Variants in PTPRJ observed in about 807,000 individuals in gnomAD.
PTPRJ encodes the protein protein tyrosine phosphatase receptor type J.
Under a neutral mutation model 141.3 loss-of-function variants are expected in PTPRJ, and 129 were observed. The observed-to-expected ratio is 0.91, with a 90% CI of 0.79 to 1.06. PTPRJ has a LOEUF of 1.06. Among genes scored for constraint, PTPRJ ranks in the 50% least tolerant of loss-of-function variants. The pLI is 0.00. For synonymous variants in PTPRJ, 610 were observed against 640.5 expected (o/e 0.95, Z 0.72); for missense variants, 1,601 against 1,679.7 (o/e 0.95, Z 0.82).
Position 47,980,579 on chromosome 11 carries a change from C to T in PTPRJ, c.-334C>T, listed in dbSNP as rs1390706106. 4.1e-6 allele frequency: 4 copies of T among 982,874 alleles called. No homozygotes were observed. The highest frequency in any genetic ancestry group is 1.1e-4 in the East Asian group (1 of 8,756). The allele number at this position is 982,874 out of a possible 1,614,324, so 60.9% of individuals were successfully genotyped here. Reference sequence around the variant, plus strand: ...GCAGCAGCCCCAGCCGCATGACGCGCGGAGGAGGCAGCGGGAGCAGCCGCG... The same window carrying T: ...GCAGCAGCCCCAGCCGCATGACGCGTGGAGGAGGCAGCGGGAGCAGCCGCG... On this transcript the variant is annotated 5_prime_UTR_variant, in exon 1 of 25. Transcript: ENST00000418331.
chr11:48,035,621 CAGAG>C (rs1207203815), intron 1 of PTPRJ, among the ~76,000 whole-genome samples: 1 of 124,394 alleles, frequency 8.0e-6, no homozygotes, highest in East Asian at 2.7e-4. Flanking sequence ...CGTTGTATTA[CAGAG>C]AGTCACAGAA....
At chr11:47,981,855 C>T (rs1853918093) in intron 1 of PTPRJ, among the ~76,000 whole-genome samples, 1 of 152,218 alleles carries the variant, frequency 6.6e-6, no homozygotes, top group East Asian at 1.9e-4. Context: ...GAGCACCCAG[C>T]CCGTGCCATG....
chr11:48,091,594 G>A lies in PTPRJ; in HGVS notation c.97-18464G>A, dbSNP rs182661852. Among the ~76,000 whole-genome samples the A allele has an allele frequency of 1.4e-3, 206 of 152,274 alleles. 1 individual carries two copies. Among genetic ancestry groups the A allele is most frequent in the African/African-American group, 4.6e-3 (191 of 41,560 alleles). On this transcript the variant is annotated intron_variant, in intron 1 of 24. Transcript: ENST00000418331. Reference sequence around the variant, plus strand: ...GCTCTTGACTTGGCCTTCTCTAGGGGAAAAACATGTAGTTTATGCAACTTT... The same window carrying A: ...GCTCTTGACTTGGCCTTCTCTAGGGAAAAAACATGTAGTTTATGCAACTTT...
At chr11:48,167,125 C>G in intron 24 of PTPRJ, 79 bp from the exon 25 acceptor site, 5 of 1,384,120 alleles carry the variant, frequency 3.6e-6, no homozygotes, top group Non-Finnish European at 4.0e-6. Context: ...GGGGGAATGA[C>G]CTGTTTGAAA....
intron 1 of PTPRJ, among the ~76,000 whole-genome samples, chr11:48,006,282 G>T (rs1285802140): frequency 6.6e-6 from 1 of 152,118 alleles, no homozygotes; most frequent in Non-Finnish European, 1.5e-5. Context: ...TCGGGAGGAA[G>T]AGTGGGAGAG....
chr11:47,981,347 C>T (rs1454528568), intron 1 of PTPRJ, among the ~76,000 whole-genome samples: 1 of 152,080 alleles, frequency 6.6e-6, no homozygotes, highest in Non-Finnish European at 1.5e-5. Context: ...GGCTTCCTAG[C>T]CGGAGGCGGC....
At chr11:48,039,845 G>C (rs1854230775) in intron 1 of PTPRJ, among the ~76,000 whole-genome samples, 1 of 151,678 alleles carries the variant, frequency 6.6e-6, no homozygotes, top group Non-Finnish European at 1.5e-5. Context: ...CTGGGGTGCA[G>C]TAGTGTGATC....
At chr11:48,020,363 C>T (rs1344240802) in intron 1 of PTPRJ, among the ~76,000 whole-genome samples, 3 of 152,132 alleles carry the variant, frequency 2.0e-5, no homozygotes, top group Non-Finnish European at 4.4e-5. Context: ...AAATTTTTGG[C>T]GTTGGTGGTG....
chr11:48,022,456 C>T (rs1853677779), intron 1 of PTPRJ, among the ~76,000 whole-genome samples: 1 of 150,990 alleles, frequency 6.6e-6, no homozygotes, highest in Non-Finnish European at 1.5e-5. Flanking sequence ...ACGAGCAAAA[C>T]TCCATCTCAA....
intron 3 of PTPRJ, among the ~76,000 whole-genome samples, chr11:48,117,822 G>A (rs953489034): frequency 6.6e-6 from 1 of 151,882 alleles, no homozygotes; most frequent in East Asian, 1.9e-4. Flanking sequence ...CATTGACAAA[G>A]CTTTAGCTAG....
At chr11:48,021,766 G>T (rs141653216) in intron 1 of PTPRJ, among the ~76,000 whole-genome samples, 3 of 152,322 alleles carry the variant, frequency 2.0e-5, no homozygotes, top group East Asian at 3.9e-4. Context: ...GCAATTGTCT[G>T]TGGGTTTTGT....
At chr11:48,090,514 G>A (rs34304393) in intron 1 of PTPRJ, among the ~76,000 whole-genome samples, 8,071 of 152,220 alleles carry the variant, frequency 0.053, 269 homozygotes, top group Middle Eastern at 0.075. Context: ...AGACAGATCC[G>A]TGCAGCAGGA....
intron 1 of PTPRJ, among the ~76,000 whole-genome samples, chr11:48,058,488 C>T (rs947815739): frequency 1.3e-5 from 2 of 152,094 alleles, no homozygotes; most frequent in Non-Finnish European, 2.9e-5. Flanking sequence ...GCTAGGATTA[C>T]GGGTGTGAGC....
At chr11:48,135,402 C>G (rs545313831) in intron 8 of PTPRJ, among the ~76,000 whole-genome samples, 113 of 151,716 alleles carry the variant, frequency 7.4e-4, no homozygotes, top group African/African-American at 2.6e-3. Context: ...GTCTCAAACT[C>G]CCGACTTCAG....
chr11:48,055,105 G>A (rs1854718750), intron 1 of PTPRJ, among the ~76,000 whole-genome samples: 1 of 152,086 alleles, frequency 6.6e-6, no homozygotes, highest in Non-Finnish European at 1.5e-5. Flanking sequence ...AGGATTACTT[G>A]AGCCAGGGAG....
At chr11:48,032,969 G>A (rs1048594532) in intron 1 of PTPRJ, among the ~76,000 whole-genome samples, 4 of 151,886 alleles carry the variant, frequency 2.6e-5, no homozygotes, top group Admixed American at 6.6e-5. Flanking sequence ...TGTAATCTTA[G>A]CACTTTGGGA....
chr11:48,036,924 G>T (rs569818855), intron 1 of PTPRJ, among the ~76,000 whole-genome samples: 5 of 152,200 alleles, frequency 3.3e-5, no homozygotes, highest in African/African-American at 1.2e-4. Flanking sequence ...TTTTAACTTG[G>T]CAGTGGTTAA....
intron 21 of PTPRJ, among the ~76,000 whole-genome samples, chr11:48,156,724 C>T (rs1264198193): frequency 6.6e-6 from 1 of 151,704 alleles, no homozygotes; most frequent in South Asian, 2.1e-4. Context: ...GTAGCTGGGA[C>T]TACAGGCGTG....
intron 1 of PTPRJ, among the ~76,000 whole-genome samples, chr11:48,024,966 CT>C (rs1353322308): frequency 6.6e-6 from 1 of 152,250 alleles, no homozygotes; most frequent in East Asian, 1.9e-4. Context: ...TATTAAATTT[CT>C]TCTAGGCTTG....
Sources: gnomAD v4.1 joint callset for allele counts (sites outside exome capture counted in the v4.1 genomes callset) on GRCh38, gnomAD v4.1.1 for gene constraint, MANE v1.5 for transcripts, NCBI Gene and HGNC (gene_info 2026-07-23, HGNC 2026-07-21) for gene names.